Variants in RAF1 observed in about 807,000 individuals in gnomAD.
RAF1 encodes Raf-1 proto-oncogene, serine/threonine kinase.
RAF1 carries 27 observed loss-of-function variants against 81.1 expected under a neutral mutation model. That is an observed-to-expected ratio of 0.33 (90% CI 0.25 to 0.46). RAF1 has a LOEUF of 0.46. Among genes scored for constraint, RAF1 ranks in the 20% least tolerant of loss-of-function variants. RAF1 has a pLI of 1.00. For synonymous variants in RAF1, 298 were observed against 294.0 expected (o/e 1.01, Z -0.14); for missense variants, 598 against 826.0 (o/e 0.72, Z 3.38).
chr3:12,627,167 C>T (rs1475945438), intron 1 of RAF1, among the ~76,000 whole-genome samples: 2 of 152,074 alleles, frequency 1.3e-5, no homozygotes, highest in Non-Finnish European at 2.9e-5. Context: ...CAAACATTTA[C>T]CTTTCACATG....
At chr3:12,648,594 T>C (rs2060424645) in intron 1 of RAF1, among the ~76,000 whole-genome samples, 1 of 152,080 alleles carries the variant, frequency 6.6e-6, no homozygotes, top group South Asian at 2.1e-4. Context: ...GAAGTAACCA[T>C]CTATATTAGC....
At chr3:12,586,783 T>G (rs2058346546) in intron 14 of RAF1, 1 of 152,208 alleles carries the variant, frequency 6.6e-6, no homozygotes, top group Non-Finnish European at 1.5e-5. Flanking sequence ...CCCTCTCCTC[T>G]TCTAATAGTG....
rs1290065008 is a variant in RAF1 at position 12,590,836 on chromosome 3, C to G, written c.1392G>C (p.Gln464His). The G allele has an allele frequency of 6.2e-7, 1 of 1,614,046 alleles. No individual in the cohort carries two copies. The highest frequency in any genetic ancestry group is 2.2e-5 in the East Asian group (1 of 44,884). The stretch of plus-strand genomic sequence containing the variant: ...CCGTCTGCCGGGCAATGTCAATTAG[C>G]TGGAACATCTGAAACTTGGTCTCCT... Residue 464 changes from glutamine to histidine, a missense_variant, in exon 13 of 18, where the codon CAG (glutamine) becomes CAC (histidine). Coordinates refer to ENST00000442415, the MANE Select transcript of RAF1 (RefSeq NM_001354689.3).
intron 1 of RAF1, 48 bp downstream of exon 1, chr3:12,663,765 C>T (rs1173361109): frequency 2.5e-6 from 1 of 396,104 alleles, no homozygotes; most frequent in Non-Finnish European, 4.4e-6. Flanking sequence ...ATCCCTCAGC[C>T]CCGCCGCCCG....
At chr3:12,614,413 C>T (rs115373476) in intron 2 of RAF1, among the ~76,000 whole-genome samples, 2,305 of 100,726 alleles carry the variant, frequency 0.023, 27 homozygotes, top group South Asian at 0.064. Flanking sequence ...TACGTGCGTG[C>T]GTGTGTGTGT....
intron 2 of RAF1, among the ~76,000 whole-genome samples, chr3:12,612,477 C>T (rs981214012): frequency 6.6e-6 from 1 of 151,756 alleles, no homozygotes; most frequent in Non-Finnish European, 1.5e-5. Flanking sequence ...GGTGAAACCC[C>T]GTCTCTACTA....
chr3:12,617,611 C>A (rs2059410303), intron 2 of RAF1, among the ~76,000 whole-genome samples: 2 of 151,534 alleles, frequency 1.3e-5, no homozygotes, highest in Admixed American at 1.3e-4. Flanking sequence ...TCAGGCTGGG[C>A]GTGGTGTCTC....
chr3:12,627,096 A>G (rs1319202675), intron 1 of RAF1, among the ~76,000 whole-genome samples: 1 of 152,094 alleles, frequency 6.6e-6, no homozygotes, highest in African/African-American at 2.4e-5. Flanking sequence ...TATTACCACG[A>G]AAGTTCCCAG....
intron 1 of RAF1, among the ~76,000 whole-genome samples, chr3:12,660,371 A>G (rs2060837433): frequency 1.3e-5 from 2 of 151,832 alleles, no homozygotes; most frequent in Admixed American, 1.3e-4. Context: ...AACATGGCTC[A>G]CTGCAGCCTC....
At chr3:12,593,335 C>T (rs977794011) in intron 11 of RAF1, among the ~76,000 whole-genome samples, 2 of 152,148 alleles carry the variant, frequency 1.3e-5, no homozygotes, top group Middle Eastern at 3.2e-3. Context: ...CCTGCCTCGG[C>T]CTCCTGGAGT....
chr3:12,600,021 C>T, intron 10 of RAF1, 131 bp downstream of exon 9: 1 of 1,436,592 alleles, frequency 7.0e-7, no homozygotes, highest in Non-Finnish European at 9.8e-7. Context: ...ATGACAGTAA[C>T]ATTTATAATC....
intron 14 of RAF1, 51 bp downstream of exon 13, chr3:12,587,540 T>G: frequency 6.6e-7 from 1 of 1,518,352 alleles, no homozygotes; most frequent in Non-Finnish European, 9.2e-7. Context: ...CCCTTCTGTT[T>G]CCCTAAATTT....
chr3:12,660,577 G>A (rs908725699), intron 1 of RAF1, among the ~76,000 whole-genome samples: 4 of 152,112 alleles, frequency 2.6e-5, no homozygotes, highest in Non-Finnish European at 5.9e-5. Flanking sequence ...GCCTCCCAAA[G>A]TGCTGGGCTT....
chr3:12,598,468 G>A (rs1185830972), intron 11 of RAF1, among the ~76,000 whole-genome samples: 1 of 152,096 alleles, frequency 6.6e-6, no homozygotes, highest in African/African-American at 2.4e-5. Flanking sequence ...TGGGCACAGT[G>A]GCTCATGCCT....
At chr3:12,601,505 G>A (rs2058860600) in intron 8 of RAF1, among the ~76,000 whole-genome samples, 1 of 152,042 alleles carries the variant, frequency 6.6e-6, no homozygotes, top group African/African-American at 2.4e-5. Flanking sequence ...CAGTATAATA[G>A]AATAATATAA....
chr3:12,624,717 G>C (rs1442143464), intron 1 of RAF1, among the ~76,000 whole-genome samples: 1 of 151,960 alleles, frequency 6.6e-6, no homozygotes, highest in Non-Finnish European at 1.5e-5. Flanking sequence ...AGAGAGACAT[G>C]TTGGCCGGGC....
intron 1 of RAF1, among the ~76,000 whole-genome samples, chr3:12,644,336 A>G (rs1415682301): frequency 6.6e-6 from 1 of 152,212 alleles, no homozygotes; most frequent in Non-Finnish European, 1.5e-5. Flanking sequence ...ATCAACGTCT[A>G]GAGAAGTAAG....
intron 1 of RAF1, among the ~76,000 whole-genome samples, chr3:12,625,701 ATTT>A (rs2059682237): frequency 2.1e-5 from 2 of 95,080 alleles, no homozygotes; most frequent in Non-Finnish European, 4.5e-5. Context: ...GTGAAAGAAT[ATTT>A]ACCCCCAGCT....
intron 1 of RAF1, among the ~76,000 whole-genome samples, chr3:12,654,674 TCA>T (rs887279018): frequency 8.7e-5 from 4 of 46,062 alleles, no homozygotes; most frequent in African/African-American, 5.0e-4. Context: ...AAAACTTTAT[TCA>T]TTTTTTTTTT....
Sources: allele counts gnomAD v4.1 joint callset (sites outside exome capture counted in the v4.1 genomes callset), GRCh38; gene constraint gnomAD v4.1.1; transcripts MANE v1.5; gene names NCBI Gene and HGNC (gene_info 2026-07-23, HGNC 2026-07-21).